TNPO1: variants seen among roughly 807,000 people sequenced by gnomAD.
The protein encoded by TNPO1 is transportin 1.
A neutral mutation model predicts 119.5 loss-of-function variants in TNPO1; 8 were observed. The ratio of observed to expected loss-of-function variants is 0.07; its 90% CI spans 0.04 to 0.12. The LOEUF is 0.12. TNPO1 is among the 10% of genes least tolerant of loss of function. The pLI is 1.00. For missense variants in TNPO1, 576 were observed against 1,089.8 expected, an observed-to-expected ratio of 0.53 and a Z score of 6.64; for synonymous variants, 362 against 363.0, an observed-to-expected ratio of 1.00 and a Z score of 0.03.
chr5:72,822,246 A>T (rs1482296315), intron 1 of TNPO1, among the ~76,000 whole-genome samples: 4 of 152,200 alleles, frequency 2.6e-5, no homozygotes, highest in African/African-American at 9.6e-5. Flanking sequence ...GTTCCACAGA[A>T]GAGGAAATAT....
At chr5:72,863,693 G>A (rs570502485) in intron 5 of TNPO1, among the ~76,000 whole-genome samples, 16 of 146,298 alleles carry the variant, frequency 1.1e-4, no homozygotes, top group Admixed American at 2.1e-4. Context: ...CCCAGGAGGC[G>A]AAGATTGCAG....
intron 1 of TNPO1, among the ~76,000 whole-genome samples, chr5:72,842,015 T>C (rs1031588129): frequency 6.6e-6 from 1 of 152,246 alleles, no homozygotes; most frequent in Non-Finnish European, 1.5e-5. Flanking sequence ...ACTTGCTACC[T>C]ACTTACAACA....
rs185469979 is a variant in TNPO1 at position 72,861,962 on chromosome 5, G to A, written c.462+48G>A. The A allele has an allele frequency of 2.0e-4, 285 of 1,436,436 alleles. 2 individuals carry two copies. The African/African-American group carries it at 3.5e-3, about 18-fold the overall frequency. 89.0% of individuals were successfully genotyped at this position (1,436,436 alleles called of 1,614,324 possible). A position where few individuals can be genotyped will look rare whatever the true frequency, so the allele number is the denominator to read the frequency against. Reference sequence around the variant, plus strand: ...TAATTGGGTGTTTTCTGTTTTTCTTGTCATGTTGTGTATTAGCAGCTTTTG... The same window carrying A: ...TAATTGGGTGTTTTCTGTTTTTCTTATCATGTTGTGTATTAGCAGCTTTTG... On this transcript the variant is annotated intron_variant, in intron 5 of 24. Coordinates refer to ENST00000337273, the MANE Select transcript of TNPO1 (RefSeq NM_002270.4).
intron 22 of TNPO1, among the ~76,000 whole-genome samples, chr5:72,902,142 C>G (rs1360912055): frequency 2.0e-5 from 3 of 151,954 alleles, no homozygotes; most frequent in Non-Finnish European, 4.4e-5. Flanking sequence ...GGAATGCACA[C>G]AAGAGTTATA....
chr5:72,867,983 A>G (rs760003117), intron 6 of TNPO1, among the ~76,000 whole-genome samples: 30 of 152,010 alleles, frequency 2.0e-4, no homozygotes, highest in Non-Finnish European at 3.7e-4. Flanking sequence ...TATTGCCTTT[A>G]TCTTGTTGTT....
chr5:72,848,495 A>G lies in TNPO1; in HGVS notation c.126A>G (p.Gln42=), dbSNP rs375231076. The G allele has an allele frequency of 4.5e-6, 7 of 1,564,708 alleles. No homozygotes were observed. The highest frequency in any genetic ancestry group is 6.1e-6 in the Non-Finnish European group (7 of 1,155,152). Residue 42 remains glutamine (Q), a synonymous_variant, in exon 2 of 25, where the codon CAA becomes CAG. Transcript: ENST00000337273. ...ACACCACCATCCAGAGAACCGTGCA[A>G]CAAGTATCCTTTCCGAGGCCTGGCC... is the stretch of plus-strand genomic sequence containing the variant. The part of the protein sequence containing the change: ...SPDTTIQRTV[Q]QKLEQLNQYP...
At chr5:72,816,960 G>A in intron 1 of TNPO1, 1 of 543,896 alleles carries the variant, frequency 1.8e-6, no homozygotes, top group Non-Finnish European at 3.1e-6. Context: ...CCCGGGTAGG[G>A]AGCAGGCGAC....
chr5:72,822,711 G>C (rs1158434119), intron 1 of TNPO1, among the ~76,000 whole-genome samples: 1 of 150,272 alleles, frequency 6.7e-6, no homozygotes, highest in Non-Finnish European at 1.5e-5. Flanking sequence ...TCCTGCCTCA[G>C]CCTCCCGAGT....
rs563164878 is a variant in TNPO1 at position 72,909,607 on chromosome 5, A to G, written c.*934A>G. 3 of 152,610 alleles carry G rather than the reference A, an allele frequency of 2.0e-5. No homozygotes were observed. In the East Asian group the frequency reaches 5.8e-4, roughly 29 times the overall value. 9.5% of individuals were successfully genotyped at this position (152,610 alleles called of 1,614,324 possible). A position where few individuals can be genotyped will look rare whatever the true frequency, so the allele number is the denominator to read the frequency against. ...ATTAGTGGGAAAGTAGCATGCTTGC[A>G]TCACATAGAGTGAGATTGGTATTCA... On this transcript the variant is annotated 3_prime_UTR_variant, in exon 25 of 25. Transcript: ENST00000337273.
At chr5:72,865,813 A>G (rs1746842822) in intron 6 of TNPO1, 84 bp downstream of exon 6, 2 of 1,385,124 alleles carry the variant, frequency 1.4e-6, no homozygotes, top group Non-Finnish European at 9.8e-7. Context: ...TATTTTTGAC[A>G]TTAGCAAAAG....
At chr5:72,899,375 A>C (rs939990765) in intron 20 of TNPO1, among the ~76,000 whole-genome samples, 2 of 152,222 alleles carry the variant, frequency 1.3e-5, no homozygotes, top group Non-Finnish European at 2.9e-5. Flanking sequence ...TTCAGTGAGT[A>C]CCATGAGACT....
At chr5:72,831,313 C>G (rs1301838172) in intron 1 of TNPO1, among the ~76,000 whole-genome samples, 2 of 151,634 alleles carry the variant, frequency 1.3e-5, no homozygotes, top group Non-Finnish European at 2.9e-5. Flanking sequence ...CTTAGTTCTT[C>G]TAGTTCAACA....
intron 1 of TNPO1, among the ~76,000 whole-genome samples, chr5:72,830,332 T>C (rs989998426): frequency 1.3e-5 from 2 of 152,192 alleles, no homozygotes; most frequent in African/African-American, 4.8e-5. Flanking sequence ...AAAATTGTCA[T>C]TTTAGATAAA....
intron 24 of TNPO1, among the ~76,000 whole-genome samples, chr5:72,906,806 T>C (rs1750205227): frequency 6.6e-6 from 1 of 152,156 alleles, no homozygotes; most frequent in African/African-American, 2.4e-5. Context: ...GCACACTAAG[T>C]TGACTCAGTA....
At chr5:72,886,714 T>G (rs1427889121) in intron 11 of TNPO1, among the ~76,000 whole-genome samples, 5 of 151,782 alleles carry the variant, frequency 3.3e-5, no homozygotes, top group Non-Finnish European at 5.9e-5. Context: ...CTGGCCAACA[T>G]GGTGAAACCC....
At chr5:72,866,775 T>C (rs1250343590) in intron 6 of TNPO1, among the ~76,000 whole-genome samples, 1 of 151,906 alleles carries the variant, frequency 6.6e-6, no homozygotes, top group African/African-American at 2.4e-5. Context: ...ACAGAAAAAA[T>C]TCAAAAATCA....
At position 72,893,609 on chromosome 5, in the gene TNPO1, C is replaced by A; in HGVS notation, c.2056-7C>A. 6.2e-7 allele frequency: 1 copy of A among 1,614,160 alleles called. No individual in the cohort carries two copies. Among genetic ancestry groups the A allele is most frequent in the Non-Finnish European group, 8.5e-7 (1 of 1,180,022 alleles). ...CATTGGGGTTAATTTCTTCTTATTT[C>A]TTGTAGGATAAAATGCCAGAAGTTC... is the stretch of plus-strand genomic sequence containing the variant. On this transcript the variant is annotated splice_region_variant and splice_polypyrimidine_tract_variant and intron_variant, in intron 17 of 24. Coordinates refer to ENST00000337273, the MANE Select transcript of TNPO1 (RefSeq NM_002270.4).
rs1207549246 is a variant in TNPO1, at chr5:72,905,382, A to G, written c.2669A>G (p.Glu890Gly). The part of the protein sequence containing the change: ...FSDQFPLPLK[E>G]RLAAFYGV ...GACCAGTTTCCTCTTCCCTTAAAAGAGCGTCTTGCAGCTTTTTATGGTGTT... is the reference window on the plus strand; with the variant it reads ...GACCAGTTTCCTCTTCCCTTAAAAGGGCGTCTTGCAGCTTTTTATGGTGTT... Residue 890 changes from glutamate (E) to glycine (G), a missense_variant, in exon 24 of 25, where the codon GAG (glutamate) becomes GGG (glycine). By Grantham distance (98) the Glu-to-Gly change is moderately conservative. This residue lies in a region of TNPO1 where 162 missense variants were observed against 294.1 expected (regional missense o/e 0.55). Transcript: ENST00000337273. The G allele has an allele frequency of 1.2e-6, 2 of 1,611,518 alleles. No homozygotes were observed. The highest frequency in any genetic ancestry group is 2.2e-5 in the East Asian group (1 of 44,856).
chr5:72,913,120 T>G lies in TNPO1; in HGVS notation c.*4447T>G, dbSNP rs1185994068. 4 of 152,662 alleles carry G rather than the reference T, an allele frequency of 2.6e-5. No homozygotes were observed. Among genetic ancestry groups the G allele is most frequent in the South Asian group, 2.1e-4 (1 of 4,828 alleles). 9.5% of individuals were successfully genotyped at this position (152,662 alleles called of 1,614,324 possible). A position where few individuals can be genotyped will look rare whatever the true frequency, so the allele number is the denominator to read the frequency against. On this transcript the variant is annotated 3_prime_UTR_variant, in exon 25 of 25. Transcript: ENST00000337273. ...AAAGTGAGATCAGTAATGAGCTGTG[T>G]TGTTAACAATATTATCTGGTAATAA...
Sources: gnomAD v4.1 joint callset for allele counts (sites outside exome capture counted in the v4.1 genomes callset) on GRCh38, gnomAD v4.1.1 for gene constraint, gnomAD v4.1.1 regional missense constraint, MANE v1.5 for transcripts, NCBI Gene and HGNC (gene_info 2026-07-23, HGNC 2026-07-21) for gene names.